EPHA6: variants seen among roughly 807,000 people sequenced by gnomAD.
EPHA6 encodes the protein ephrin type-A receptor 6.
A neutral mutation model predicts 112.0 loss-of-function variants in EPHA6; 50 were observed. That is an observed-to-expected ratio of 0.45 (90% CI 0.36 to 0.56). The LOEUF is 0.56. EPHA6 is among the 20% of genes least tolerant of loss of function. EPHA6 has a pLI of 0.00. For missense variants in EPHA6, 1,280 were observed against 1,417.4 expected, an observed-to-expected ratio of 0.90 and a Z score of 1.56; for synonymous variants, 529 against 490.7, an observed-to-expected ratio of 1.08 and a Z score of -1.03.
At chr3:96,953,075 T>G (rs769385206) in intron 2 of EPHA6, among the ~76,000 whole-genome samples, 3 of 152,200 alleles carry the variant, frequency 2.0e-5, no homozygotes, top group Non-Finnish European at 4.4e-5. Context: ...GAACAATATT[T>G]GAATTCAAGA....
At chr3:97,624,243 C>T (rs930177069) in intron 13 of EPHA6, among the ~76,000 whole-genome samples, 2 of 151,550 alleles carry the variant, frequency 1.3e-5, no homozygotes, top group African/African-American at 2.4e-5. Context: ...GTGTTTTTAT[C>T]GTGAAACTGT....
chr3:96,971,087 T>A (rs1466632986), intron 2 of EPHA6, among the ~76,000 whole-genome samples: 1 of 152,126 alleles, frequency 6.6e-6, no homozygotes, highest in African/African-American at 2.4e-5. Flanking sequence ...ATATTTTATT[T>A]ATCGTTAAGT....
chr3:96,927,800 G>A (rs1437985571), intron 2 of EPHA6, among the ~76,000 whole-genome samples: 3 of 152,006 alleles, frequency 2.0e-5, no homozygotes, highest in Non-Finnish European at 2.9e-5. Context: ...GCCCCACTCC[G>A]GGTACCAATT....
intron 11 of EPHA6, among the ~76,000 whole-genome samples, chr3:97,586,727 TAGAC>T (rs138628909): frequency 1.2e-3 from 189 of 151,456 alleles, no homozygotes; most frequent in African/African-American, 3.5e-3. Flanking sequence ...GATGGATGGA[TAGAC>T]AGACAGACAG....
chr3:96,945,195 G>A (rs796376488), intron 2 of EPHA6, among the ~76,000 whole-genome samples: 1 of 152,172 alleles, frequency 6.6e-6, no homozygotes, highest in African/African-American at 2.4e-5. Context: ...TCTGGTCCAT[G>A]ATACCATCAT....
At chr3:97,492,072 GA>G (rs1162255598) in intron 10 of EPHA6, among the ~76,000 whole-genome samples, 2 of 152,064 alleles carry the variant, frequency 1.3e-5, no homozygotes, top group African/African-American at 4.8e-5. Flanking sequence ...ATAGCTGATA[GA>G]TTTTTTTTAA....
intron 11 of EPHA6, among the ~76,000 whole-genome samples, chr3:97,579,453 T>C (rs979611608): frequency 2.0e-5 from 3 of 152,206 alleles, no homozygotes; most frequent in African/African-American, 7.2e-5. Flanking sequence ...TTAAGTCTTC[T>C]AGGGCACCAG....
chr3:97,511,412 C>T (rs1248213749), intron 10 of EPHA6, among the ~76,000 whole-genome samples: 1 of 152,156 alleles, frequency 6.6e-6, no homozygotes, highest in Non-Finnish European at 1.5e-5. Flanking sequence ...CAGTCCTTCA[C>T]AGCTTCTCTT....
chr3:97,171,530 A>G lies in EPHA6; in HGVS notation c.1115-54734A>G, dbSNP rs556037906. On this transcript the variant is annotated intron_variant, in intron 3 of 17. Transcript: ENST00000389672. ...AACAGGTATTATAAAGATAGAACCA[A>G]TATGTTCAAAGATAGAACCATCTTA... Among the ~76,000 whole-genome samples, 11 of 152,246 alleles carry G rather than the reference A, an allele frequency of 7.2e-5. No individual in the cohort carries two copies. The East Asian group carries it at 1.9e-3, about 27-fold the overall frequency.
At chr3:97,594,051 C>T (rs2093566957) in intron 12 of EPHA6, among the ~76,000 whole-genome samples, 1 of 152,142 alleles carries the variant, frequency 6.6e-6, no homozygotes. Flanking sequence ...CAAATATAAA[C>T]ATGTAGCTTT....
chr3:97,748,834 A>G lies in EPHA6; in HGVS notation c.*133A>G. 1.6e-6 allele frequency: 1 copy of G among 628,272 alleles called. No homozygotes were observed. The highest frequency in any genetic ancestry group is 2.5e-5 in the Admixed American group (1 of 40,490). 38.9% of individuals were successfully genotyped at this position (628,272 alleles called of 1,614,324 possible). A position where few individuals can be genotyped will look rare whatever the true frequency, so the allele number is the denominator to read the frequency against. ...TCTTCTGTTCAGACTATAGGCACAC[A>G]CCTTATGTTTATGCTTCCAACCAGG... On this transcript the variant is annotated 3_prime_UTR_variant, in exon 18 of 18. Transcript: ENST00000389672.
intron 4 of EPHA6, among the ~76,000 whole-genome samples, chr3:97,241,637 TTAATATTTGCA>T (rs1276989585): frequency 6.6e-6 from 1 of 151,730 alleles, no homozygotes; most frequent in Non-Finnish European, 1.5e-5. Context: ...TCATTACAGC[TTAATATTTGCA>T]TGAAATCACA....
At chr3:97,117,908 C>T (rs2047937558) in intron 3 of EPHA6, among the ~76,000 whole-genome samples, 1 of 151,772 alleles carries the variant, frequency 6.6e-6, no homozygotes, top group South Asian at 2.1e-4. Context: ...AGTTCATATA[C>T]AAAGAACTCT....
intron 2 of EPHA6, among the ~76,000 whole-genome samples, chr3:96,899,039 C>A (rs1207875612): frequency 4.9e-5 from 7 of 143,706 alleles, no homozygotes; most frequent in East Asian, 4.2e-4. Flanking sequence ...AAAAAAAAAA[C>A]AAAAACAAAC....
intron 5 of EPHA6, among the ~76,000 whole-genome samples, chr3:97,337,399 C>A (rs2083104349): frequency 6.6e-6 from 1 of 152,112 alleles, no homozygotes; most frequent in African/African-American, 2.4e-5. Context: ...TTGGCCTGAC[C>A]CATTTACTAA....
At chr3:97,402,658 A>G (rs970849050) in intron 5 of EPHA6, among the ~76,000 whole-genome samples, 1 of 151,980 alleles carries the variant, frequency 6.6e-6, no homozygotes. Context: ...GCTTTTTCTT[A>G]TATGCGACAT....
At chr3:96,820,506 C>G (rs1322775864) in intron 1 of EPHA6, among the ~76,000 whole-genome samples, 1 of 151,858 alleles carries the variant, frequency 6.6e-6, no homozygotes, top group African/African-American at 2.4e-5. Flanking sequence ...ATGGGAACAT[C>G]TTGTCTTTAT....
intron 3 of EPHA6, among the ~76,000 whole-genome samples, chr3:97,103,062 C>A (rs1170774484): frequency 6.6e-6 from 1 of 152,078 alleles, no homozygotes; most frequent in African/African-American, 2.4e-5. Context: ...CAGAAATTTT[C>A]TTCCATTCTG....
intron 15 of EPHA6, among the ~76,000 whole-genome samples, chr3:97,726,938 C>G (rs2034797954): frequency 6.6e-6 from 1 of 152,054 alleles, no homozygotes; most frequent in Non-Finnish European, 1.5e-5. Context: ...TGACTTAGCT[C>G]AAGCTAATGA....
Sources: gnomAD v4.1 joint callset for allele counts (sites outside exome capture counted in the v4.1 genomes callset) on GRCh38, gnomAD v4.1.1 for gene constraint, MANE v1.5 for transcripts, NCBI Gene and HGNC (gene_info 2026-07-23, HGNC 2026-07-21) for gene names.